Variants in TCF4 observed in about 807,000 individuals in gnomAD.
The protein encoded by TCF4 is transcription factor 4.
A neutral mutation model predicts 82.1 loss-of-function variants in TCF4; 3 were observed. That is an observed-to-expected ratio of 0.04 (90% CI 0.02 to 0.09). The LOEUF (loss-of-function observed/expected upper bound fraction) is 0.09, where lower values mean the gene tolerates loss of function less well. Ranked by LOEUF, TCF4 falls within the 10% of genes least tolerant of loss-of-function variation. The pLI is 1.00. For synonymous variants in TCF4, 276 were observed against 309.6 expected (o/e 0.89, Z 1.14); for missense variants, 518 against 852.7 (o/e 0.61, Z 4.89).
chr18:55,424,477 C>T (rs776053718), intron 5 of TCF4, among the ~76,000 whole-genome samples: 19 of 152,224 alleles, frequency 1.2e-4, no homozygotes, highest in Non-Finnish European at 2.5e-4. Flanking sequence ...CTGCTTTAAA[C>T]TCAGAATTCC....
At position 55,224,145 on chromosome 18, in the gene TCF4, G is replaced by T. The variant is rs2046283088; in HGVS notation, c.*3890C>A. 1.4e-5 allele frequency: 2 copies of T among 147,082 alleles called. No homozygotes were observed. Among genetic ancestry groups the T allele is most frequent in the Admixed American group, 6.8e-5 (1 of 14,630 alleles). The allele number at this position is 147,082 out of a possible 1,614,324, so 9.1% of individuals were successfully genotyped here. A position where few individuals can be genotyped will look rare whatever the true frequency, so the allele number is the denominator to read the frequency against. On this transcript the variant is annotated 3_prime_UTR_variant, in exon 20 of 20. Coordinates refer to ENST00000354452, the MANE Select transcript of TCF4 (RefSeq NM_001083962.2). ...GCTTTATAACAAAAAGCCAGGCACT[G>T]ATACATGGTAAATCTCTGCTTTTTT...
intron 2 of TCF4, among the ~76,000 whole-genome samples, chr18:55,612,896 C>A (rs1015767385): frequency 6.6e-6 from 1 of 151,930 alleles, no homozygotes; most frequent in African/African-American, 2.4e-5. Flanking sequence ...TGCAGTGAGC[C>A]GAGATCATGC....
Position 55,228,867 on chromosome 18 carries a change from C to T in TCF4, c.1859G>A (p.Ser620Asn). The change falls in exon 18 of 20, where the codon AGT (serine) becomes AAT (asparagine). Residue 620 changes from serine (S) to asparagine (N), a missense_variant. Physicochemically the swap from Ser to Asn is conservative, Grantham distance 46. Coordinates refer to ENST00000354452, the MANE Select transcript of TCF4 (RefSeq NM_001083962.2). ...ILHQAVAVIL[S>N]LEQQVRERNL... ...CTGACCTCGGACTTGCTGCTCCAGA[C>T]TGAGGATGACGGCCACCGCCTGGTG... The T allele has an allele frequency of 6.2e-7, 1 of 1,614,138 alleles. No individual in the cohort carries two copies. Among genetic ancestry groups the T allele is most frequent in the Non-Finnish European group, 8.5e-7 (1 of 1,180,024 alleles).
intron 8 of TCF4, among the ~76,000 whole-genome samples, chr18:55,291,217 A>G (rs991290334): frequency 2.0e-5 from 3 of 152,178 alleles, no homozygotes; most frequent in African/African-American, 7.2e-5. Context: ...CTCAGTCAGA[A>G]GTTAGCACTT....
At chr18:55,330,402 T>C (rs1187611063) in intron 8 of TCF4, among the ~76,000 whole-genome samples, 3 of 151,394 alleles carry the variant, frequency 2.0e-5, no homozygotes, top group Non-Finnish European at 3.0e-5. Flanking sequence ...ATGGTCTCGA[T>C]CTCTTGACCT....
At chr18:55,448,347 CA>C (rs2095562160) in intron 5 of TCF4, among the ~76,000 whole-genome samples, 2 of 152,296 alleles carry the variant, frequency 1.3e-5, no homozygotes, top group Non-Finnish European at 2.9e-5. Context: ...TATTCTATTA[CA>C]GCCTTACAAG....
intron 10 of TCF4, among the ~76,000 whole-genome samples, chr18:55,271,661 C>T (rs1294764718): frequency 6.6e-6 from 1 of 152,026 alleles, no homozygotes; most frequent in African/African-American, 2.4e-5. Flanking sequence ...TCTTTCTTTC[C>T]TTGACCCCAA....
intron 3 of TCF4, among the ~76,000 whole-genome samples, chr18:55,504,825 G>A (rs1255955719): frequency 6.6e-6 from 1 of 152,090 alleles, no homozygotes; most frequent in African/African-American, 2.4e-5. Flanking sequence ...AAACAAAACA[G>A]ACAACCTCTC....
chr18:55,591,068 T>C (rs1172607629), upstream of TCF4: 1 of 152,200 alleles, frequency 6.6e-6, no homozygotes, highest in African/African-American at 2.4e-5. Flanking sequence ...CTGATAAAAG[T>C]TTGTGGCAGT....
At chr18:55,271,825 T>C (rs1403531728) in intron 10 of TCF4, among the ~76,000 whole-genome samples, 2 of 152,016 alleles carry the variant, frequency 1.3e-5, no homozygotes, top group Non-Finnish European at 2.9e-5. Flanking sequence ...ATTTCTGCTA[T>C]AGAGGTAAGC....
At chr18:55,542,541 C>T (rs2097173065) in intron 3 of TCF4, among the ~76,000 whole-genome samples, 1 of 151,908 alleles carries the variant, frequency 6.6e-6, no homozygotes, top group Non-Finnish European at 1.5e-5. Flanking sequence ...AAAATACTTA[C>T]CAGTAATAAC....
intron 5 of TCF4, among the ~76,000 whole-genome samples, chr18:55,451,763 T>C (rs1417783456): frequency 6.6e-6 from 1 of 152,114 alleles, no homozygotes; most frequent in Non-Finnish European, 1.5e-5. Flanking sequence ...AGTCCAGAAG[T>C]AGGGTACTGG....
intron 6 of TCF4, among the ~76,000 whole-genome samples, chr18:55,362,072 T>A (rs2085334775): frequency 6.6e-6 from 1 of 152,148 alleles, no homozygotes; most frequent in Non-Finnish European, 1.5e-5. Context: ...TTTCCTGAAA[T>A]CACATGCTTG....
At chr18:55,374,871 TAAAA>T (rs5825137) in intron 6 of TCF4, among the ~76,000 whole-genome samples, 1 of 67,144 alleles carries the variant, frequency 1.5e-5, no homozygotes, top group South Asian at 5.5e-4. Flanking sequence ...AGGCCCTGTC[TAAAA>T]AAAAAAAAAA....
At chr18:55,437,289 C>T (rs1432192084) in intron 5 of TCF4, among the ~76,000 whole-genome samples, 1 of 152,160 alleles carries the variant, frequency 6.6e-6, no homozygotes, top group East Asian at 1.9e-4. Context: ...GAATCTACAG[C>T]AATGAAGGTT....
chr18:55,234,499 G>C, intron 16 of TCF4, 49 bp downstream of exon 16: 1 of 1,613,704 alleles, frequency 6.2e-7, no homozygotes, highest in Non-Finnish European at 8.5e-7. Context: ...ATCAACACTG[G>C]TCCTATTGTG....
intron 1 of TCF4, among the ~76,000 whole-genome samples, chr18:55,631,561 G>C (rs546413698): frequency 7.9e-5 from 12 of 151,764 alleles, no homozygotes; most frequent in Non-Finnish European, 1.6e-4. Context: ...GCTGGTGAAA[G>C]GAATCACTTC....
intron 3 of TCF4, among the ~76,000 whole-genome samples, chr18:55,567,046 A>G (rs1038957493): frequency 2.0e-5 from 3 of 152,212 alleles, no homozygotes; most frequent in African/African-American, 7.2e-5. Flanking sequence ...AATTCAGAAA[A>G]CAGTAGAATA....
At chr18:55,284,658 T>C (rs1337290835) in intron 8 of TCF4, among the ~76,000 whole-genome samples, 2 of 152,174 alleles carry the variant, frequency 1.3e-5, no homozygotes, top group Admixed American at 6.5e-5. Flanking sequence ...CATATATACT[T>C]TCCAAAGAAA....
Sources: allele counts gnomAD v4.1 joint callset (sites outside exome capture counted in the v4.1 genomes callset), GRCh38; gene constraint gnomAD v4.1.1; transcripts MANE v1.5; gene names NCBI Gene and HGNC (gene_info 2026-07-23, HGNC 2026-07-21).